Variants in MAP4K3 observed in about 807,000 individuals in gnomAD.
The protein encoded by MAP4K3 is mitogen-activated protein kinase kinase kinase kinase 3.
MAP4K3 carries 94 observed loss-of-function variants against 143.5 expected under a neutral mutation model. That is an observed-to-expected ratio of 0.65 (90% confidence interval 0.55 to 0.78). The LOEUF is 0.78. Ranked by LOEUF, MAP4K3 falls within the 30% of genes least tolerant of loss-of-function variation. The pLI is 0.00. For synonymous variants in MAP4K3, 416 were observed against 347.2 expected (o/e 1.20, Z -2.20); for missense variants, 1,077 against 1,068.1 (o/e 1.01, Z -0.12).
At chr2:39,363,455 G>A (rs2148561219) in intron 2 of MAP4K3, among the ~76,000 whole-genome samples, 1 of 152,250 alleles carries the variant, frequency 6.6e-6, no homozygotes, top group East Asian at 1.9e-4. Context: ...ATCACCTGAG[G>A]TCAGGAGTTT....
At chr2:39,415,495 T>C (rs1454042704) in intron 1 of MAP4K3, among the ~76,000 whole-genome samples, 2 of 152,098 alleles carry the variant, frequency 1.3e-5, no homozygotes, top group South Asian at 4.2e-4. Context: ...GAAAGGAAAG[T>C]GAAATTATGG....
chr2:39,358,114 A>G (rs766137956), intron 2 of MAP4K3, among the ~76,000 whole-genome samples: 35 of 152,354 alleles, frequency 2.3e-4, no homozygotes, highest in Non-Finnish European at 3.1e-4. Flanking sequence ...ATTTTCAGAT[A>G]TACCTGTACA....
chr2:39,272,235 T>C lies in MAP4K3; in HGVS notation c.1973+48A>G, dbSNP rs371853758. 5 of 1,333,942 alleles carry C rather than the reference T, an allele frequency of 3.7e-6. No individual in the cohort carries two copies. The African/African-American group carries it at 7.3e-5, about 20-fold the overall frequency. 82.6% of individuals were successfully genotyped at this position (1,333,942 alleles called of 1,614,324 possible). On this transcript the variant is annotated intron_variant, in intron 26 of 33. Coordinates refer to ENST00000263881, the MANE Select transcript of MAP4K3 (RefSeq NM_003618.4). The stretch of plus-strand genomic sequence containing the variant: ...TCACTTTCTGTAACATAAATATTTA[T>C]GAGAATGAACTGTTAATATCATATT...
intron 4 of MAP4K3, among the ~76,000 whole-genome samples, chr2:39,341,807 G>A (rs1665148247): frequency 6.6e-6 from 1 of 152,030 alleles, no homozygotes; most frequent in Non-Finnish European, 1.5e-5. Context: ...ATACTGTTTT[G>A]TCATGTAAAA....
In MAP4K3 at chr2:39,257,447, T is replaced by C. The variant is rs80107492; in HGVS notation, c.2470+901A>G. ...TGAGTACTAAATTTTAAAGCACTTA[T>C]AGAAAAACCCTACAGGAGTCTGGAG... is the stretch of plus-strand genomic sequence containing the variant. On this transcript the variant is annotated intron_variant, in intron 31 of 33. Coordinates refer to ENST00000263881, the MANE Select transcript of MAP4K3 (RefSeq NM_003618.4). Among the ~76,000 whole-genome samples the C allele has an allele frequency of 5.9e-3, 894 of 152,226 alleles. 9 individuals carry two copies. The highest frequency in any genetic ancestry group is 0.02 in the African/African-American group (833 of 41,534).
intron 31 of MAP4K3, among the ~76,000 whole-genome samples, chr2:39,255,956 A>G (rs764027580): frequency 3.3e-5 from 5 of 152,212 alleles, no homozygotes; most frequent in Non-Finnish European, 7.3e-5. Context: ...CTTTCTACCC[A>G]TGGACATGAT....
intron 1 of MAP4K3, among the ~76,000 whole-genome samples, chr2:39,393,411 G>A (rs1455367780): frequency 6.6e-6 from 1 of 151,914 alleles, no homozygotes; most frequent in Admixed American, 6.6e-5. Context: ...CTTTTCAAAC[G>A]TATCAGTCAT....
intron 1 of MAP4K3, among the ~76,000 whole-genome samples, chr2:39,428,501 C>T (rs900804704): frequency 9.9e-5 from 15 of 151,754 alleles, no homozygotes; most frequent in African/African-American, 3.1e-4. Context: ...GGCGAAACTC[C>T]ATCTCTACTA....
At chr2:39,339,168 G>T (rs1200700064) in intron 4 of MAP4K3, among the ~76,000 whole-genome samples, 1 of 152,102 alleles carries the variant, frequency 6.6e-6, no homozygotes, top group East Asian at 1.9e-4. Flanking sequence ...AGTACTTGTG[G>T]TATTTTACAA....
intron 6 of MAP4K3, among the ~76,000 whole-genome samples, chr2:39,335,894 A>G (rs982935194): frequency 1.3e-5 from 2 of 152,178 alleles, no homozygotes; most frequent in African/African-American, 4.8e-5. Context: ...ATCATCAGAA[A>G]CCCAGAGGAC....
chr2:39,332,366 C>T (rs1683710678), intron 7 of MAP4K3, among the ~76,000 whole-genome samples: 1 of 151,954 alleles, frequency 6.6e-6, no homozygotes, highest in South Asian at 2.1e-4. Flanking sequence ...CTTTAAGAGA[C>T]ATTATATTCC....
chr2:39,260,481 G>T, intron 29 of MAP4K3, 125 bp downstream of exon 29: 1 of 728,224 alleles, frequency 1.4e-6, no homozygotes, highest in Non-Finnish European at 2.2e-6. Flanking sequence ...CCTTCTTCCA[G>T]TTTAATAATA....
At chr2:39,406,953 A>C (rs552220075) in intron 1 of MAP4K3, among the ~76,000 whole-genome samples, 15 of 152,358 alleles carry the variant, frequency 9.8e-5, no homozygotes, top group African/African-American at 3.4e-4. Context: ...AAAACTACAG[A>C]CAAATATACC....
rs115254432 is a variant in MAP4K3 at position 39,422,668 on chromosome 2, C to T, written c.96+14224G>A. Reference sequence around the variant, plus strand: ...CAAAGGTGATCCAATGGGAAAAGGACGGTCTTTTCAACAAATAGTACTGGA... The same window carrying T: ...CAAAGGTGATCCAATGGGAAAAGGATGGTCTTTTCAACAAATAGTACTGGA... On this transcript the variant is annotated intron_variant, in intron 1 of 33. Coordinates refer to ENST00000263881, the MANE Select transcript of MAP4K3 (RefSeq NM_003618.4). 6.6e-3 allele frequency among the ~76,000 whole-genome samples: 999 copies of T among 152,252 alleles called. 10 individuals carry two copies. The highest frequency in any genetic ancestry group is 0.023 in the African/African-American group (946 of 41,540).
At chr2:39,320,513 T>C (rs1683265344) in intron 12 of MAP4K3, among the ~76,000 whole-genome samples, 1 of 152,154 alleles carries the variant, frequency 6.6e-6, no homozygotes, top group African/African-American at 2.4e-5. Context: ...CAATTTTTTT[T>C]TTTTGGCCCT....
intron 8 of MAP4K3, among the ~76,000 whole-genome samples, 159 bp from the exon 9 acceptor site, chr2:39,326,436 C>CAA (rs1683492165): frequency 6.6e-6 from 1 of 151,982 alleles, no homozygotes; most frequent in Admixed American, 6.6e-5. Flanking sequence ...CCACCTTTTC[C>CAA]AAGATCTTGA....
At chr2:39,322,675 GTT>G (rs1209879285) in intron 12 of MAP4K3, among the ~76,000 whole-genome samples, 3 of 133,530 alleles carry the variant, frequency 2.2e-5, no homozygotes. Flanking sequence ...TCTATTTTTT[GTT>G]TTTTTTTTTT....
intron 14 of MAP4K3, among the ~76,000 whole-genome samples, chr2:39,309,095 C>G (rs942214848): frequency 6.6e-6 from 1 of 151,696 alleles, no homozygotes; most frequent in Non-Finnish European, 1.5e-5. Flanking sequence ...AATTACTTAC[C>G]TTTTTGTTTC....
intron 1 of MAP4K3, among the ~76,000 whole-genome samples, chr2:39,385,900 G>T (rs1285464947): frequency 1.3e-5 from 2 of 152,034 alleles, no homozygotes; most frequent in African/African-American, 4.8e-5. Context: ...CCAAAGTGCT[G>T]GGATTACAGG....
Sources: allele counts gnomAD v4.1 joint callset (sites outside exome capture counted in the v4.1 genomes callset), GRCh38; gene constraint gnomAD v4.1.1; transcripts MANE v1.5; gene names NCBI Gene and HGNC (gene_info 2026-07-23, HGNC 2026-07-21).